The following OCLN variants were observed in gnomAD, a reference collection of about 807,000 sequenced individuals.
The protein encoded by OCLN is occludin, also known as phosphatase 1, regulatory subunit 115.
OCLN carries 21 observed loss-of-function variants against 47.9 expected under a neutral mutation model. The ratio of observed to expected loss-of-function variants is 0.44; its 90% CI spans 0.31 to 0.63. The LOEUF (loss-of-function observed/expected upper bound fraction) is 0.63. Among genes scored for constraint, OCLN ranks in the 30% least tolerant of loss-of-function variants. OCLN has a pLI of 0.08. For synonymous variants in OCLN, 117 were observed against 198.4 expected (o/e 0.59, Z 3.45); for missense variants, 360 against 571.0 (o/e 0.63, Z 3.77).
chr5:69,496,185 G>A (rs1051320783), intron 1 of OCLN, among the ~76,000 whole-genome samples: 1 of 150,728 alleles, frequency 6.6e-6, no homozygotes, highest in Non-Finnish European at 1.5e-5. Flanking sequence ...TGCAAGCTCC[G>A]CCTCCCGGGT....
At chr5:69,547,146 A>G (rs1189153150) in intron 6 of OCLN, among the ~76,000 whole-genome samples, 6 of 151,512 alleles carry the variant, frequency 4.0e-5, no homozygotes, top group Non-Finnish European at 8.9e-5. Context: ...TCCACTTCGG[A>G]AAAACAAGAG....
intron 4 of OCLN, among the ~76,000 whole-genome samples, chr5:69,523,306 T>C (rs1437708885): frequency 1.3e-5 from 2 of 152,168 alleles, no homozygotes. Context: ...TTGGCCAGCA[T>C]AATTGTGTAA....
At chr5:69,515,547 C>T (rs1768924111) in intron 4 of OCLN, among the ~76,000 whole-genome samples, 1 of 126,248 alleles carries the variant, frequency 7.9e-6, no homozygotes, top group African/African-American at 3.0e-5. Flanking sequence ...GACCCCCCCC[C>T]ACCTCCCTCC....
chr5:69,520,668 A>T (rs895395022), intron 4 of OCLN, among the ~76,000 whole-genome samples: 1 of 147,638 alleles, frequency 6.8e-6, no homozygotes, highest in Non-Finnish European at 1.5e-5. Context: ...ACTCCCTTAA[A>T]TTTTTTTTTT....
intron 4 of OCLN, among the ~76,000 whole-genome samples, chr5:69,520,693 T>C (rs1437841508): frequency 6.6e-6 from 1 of 152,176 alleles, no homozygotes; most frequent in Non-Finnish European, 1.5e-5. Context: ...TTTGTTATTA[T>C]TTATTTAGAG....
At chr5:69,495,175 G>T (rs1768255564) in intron 1 of OCLN, among the ~76,000 whole-genome samples, 1 of 152,188 alleles carries the variant, frequency 6.6e-6, no homozygotes, top group Non-Finnish European at 1.5e-5. Context: ...AGGCTTATTT[G>T]ATTGGAATAT....
intron 4 of OCLN, among the ~76,000 whole-genome samples, chr5:69,527,743 C>T (rs1437950214): frequency 6.6e-6 from 1 of 152,034 alleles, no homozygotes; most frequent in African/African-American, 2.4e-5. Flanking sequence ...TTGATGATCT[C>T]TATGTTAACA....
At chr5:69,536,878 G>A (rs1039208237) in intron 5 of OCLN, among the ~76,000 whole-genome samples, 1 of 151,856 alleles carries the variant, frequency 6.6e-6, no homozygotes, top group Non-Finnish European at 1.5e-5. Flanking sequence ...TGAGGCAGGA[G>A]AATGGCGTGA....
chr5:69,525,295 G>T (rs1310427233), intron 4 of OCLN, among the ~76,000 whole-genome samples: 2 of 151,544 alleles, frequency 1.3e-5, no homozygotes, highest in African/African-American at 4.9e-5. Flanking sequence ...TAGTCTAGAC[G>T]GGGTTTCGCC....
intron 4 of OCLN, among the ~76,000 whole-genome samples, chr5:69,515,545 C>A (rs1580562788): frequency 6.7e-6 from 1 of 149,030 alleles, no homozygotes; most frequent in Non-Finnish European, 1.5e-5. Flanking sequence ...CTGACCCCCC[C>A]CCACCTCCCT....
intron 3 of OCLN, among the ~76,000 whole-genome samples, chr5:69,510,410 G>A (rs537442797): frequency 1.3e-4 from 20 of 152,190 alleles, no homozygotes; most frequent in Admixed American, 1.3e-3. Flanking sequence ...GACTGGGCAC[G>A]GTGGCTCATG....
intron 5 of OCLN, among the ~76,000 whole-genome samples, chr5:69,536,605 C>T (rs1024085521): frequency 4.9e-5 from 7 of 143,130 alleles, no homozygotes; most frequent in African/African-American, 1.6e-4. Context: ...TGGGAGGCGG[C>T]GGTTACAGTG....
chr5:69,505,759 G>T (rs1768582157), intron 2 of OCLN, among the ~76,000 whole-genome samples: 1 of 152,212 alleles, frequency 6.6e-6, no homozygotes, highest in African/African-American at 2.4e-5. Context: ...CATGATAAGT[G>T]TAGTGGAGTG....
chr5:69,499,733 C>T (rs542401003), intron 1 of OCLN, among the ~76,000 whole-genome samples: 26 of 152,176 alleles, frequency 1.7e-4, no homozygotes, highest in Non-Finnish European at 1.3e-4. Context: ...TACAGGCGCG[C>T]GCCACCAAGC....
chr5:69,553,566 T>C lies in OCLN; in HGVS notation c.1468-4T>C, dbSNP rs749264465. On this transcript the variant is annotated splice_region_variant and splice_polypyrimidine_tract_variant and intron_variant, in intron 8 of 8. Coordinates refer to ENST00000396442, the MANE Select transcript of OCLN (RefSeq NM_001205254.2). The stretch of plus-strand genomic sequence containing the variant: ...TTTATGTGATTCATTTTCTCCCTTT[T>C]TAGTCTGCAGATTACAAAAGTAAGA... 4 of 1,613,294 alleles carry C rather than the reference T, an allele frequency of 2.5e-6. No homozygotes were observed. The highest frequency in any genetic ancestry group is 2.2e-5 in the East Asian group (1 of 44,832).
At chr5:69,516,233 G>C (rs961421136) in intron 4 of OCLN, among the ~76,000 whole-genome samples, 5 of 152,336 alleles carry the variant, frequency 3.3e-5, no homozygotes, top group African/African-American at 9.6e-5. Context: ...ACCAGACTCC[G>C]TCTGCAATCC....
Position 69,515,300 on chromosome 5 carries a change from C to T in OCLN, c.891+1191C>T, listed in dbSNP as rs532607313. On this transcript the variant is annotated intron_variant, in intron 4 of 8. Transcript: ENST00000396442. Reference sequence around the variant, plus strand: ...GGGGGGCTGACCCCCCCACCTCCTTCCCGGATGGGGCGGCTGGCCGGGCAG... The same window carrying T: ...GGGGGGCTGACCCCCCCACCTCCTTTCCGGATGGGGCGGCTGGCCGGGCAG... Among the ~76,000 whole-genome samples, 4 of 138,794 alleles carry T rather than the reference C, an allele frequency of 2.9e-5. No homozygotes were observed. The East Asian group carries it at 6.8e-4, about 23-fold the overall frequency. The allele number at this position is 138,794 out of a possible 152,430, so 91.1% of individuals were successfully genotyped here.
At chr5:69,520,960 G>A (rs1305677118) in intron 4 of OCLN, among the ~76,000 whole-genome samples, 3 of 152,052 alleles carry the variant, frequency 2.0e-5, no homozygotes, top group Non-Finnish European at 4.4e-5. Flanking sequence ...TGATTCTCCT[G>A]CCTCAGCCTC....
intron 4 of OCLN, among the ~76,000 whole-genome samples, chr5:69,515,471 A>C (rs1768916315): frequency 8.6e-6 from 1 of 116,838 alleles, no homozygotes. Context: ...CTCACTTCCC[A>C]GTAGGGGCGG....
Sources: gnomAD v4.1 joint callset for allele counts (sites outside exome capture counted in the v4.1 genomes callset) on GRCh38, gnomAD v4.1.1 for gene constraint, MANE v1.5 for transcripts, NCBI Gene and HGNC (gene_info 2026-07-23, HGNC 2026-07-21) for gene names.